DPP10: variants seen among roughly 807,000 people sequenced by gnomAD.
DPP10 encodes the protein dipeptidyl peptidase like 10.
A neutral mutation model predicts 120.9 loss-of-function variants in DPP10; 33 were observed. The ratio of observed to expected loss-of-function variants is 0.27; its 90% CI spans 0.21 to 0.37. DPP10 has a LOEUF of 0.37. DPP10 is among the 10% of genes least tolerant of loss of function. DPP10 has a pLI of 1.00. For synonymous variants in DPP10, 337 were observed against 326.1 expected, an observed-to-expected ratio of 1.03 and a Z score of -0.36; for missense variants, 816 against 942.8, an observed-to-expected ratio of 0.87 and a Z score of 1.76.
intron 1 of DPP10, among the ~76,000 whole-genome samples, chr2:114,576,974 C>T (rs1835329): frequency 0.29 from 43,681 of 151,460 alleles, 8,164 homozygotes; most frequent in African/African-American, 0.54. Context: ...TTAATGGGTA[C>T]GGCATGGTAA....
At chr2:115,437,845 G>A (rs843411) in intron 3 of DPP10, among the ~76,000 whole-genome samples, 4,701 of 152,012 alleles carry the variant, frequency 0.031, 242 homozygotes, top group African/African-American at 0.11. Context: ...ATGATACAAC[G>A]TTTTGTTGTG....
intron 3 of DPP10, among the ~76,000 whole-genome samples, chr2:115,422,541 A>C (rs1559581136): frequency 6.6e-6 from 1 of 152,236 alleles, no homozygotes; most frequent in Non-Finnish European, 1.5e-5. Context: ...TGAAAGTTCT[A>C]CCCATAGATT....
At chr2:115,659,841 T>C (rs1455522872) in intron 5 of DPP10, among the ~76,000 whole-genome samples, 2 of 152,190 alleles carry the variant, frequency 1.3e-5, no homozygotes, top group African/African-American at 4.8e-5. Context: ...GGTTTTGACT[T>C]TTTATTAATT....
intron 1 of DPP10, among the ~76,000 whole-genome samples, chr2:114,465,151 C>A (rs10496463): frequency 6.6e-6 from 1 of 152,148 alleles, no homozygotes; most frequent in Non-Finnish European, 1.5e-5. Context: ...GTTGTGTGAA[C>A]GTAGAAAAGT....
intron 1 of DPP10, among the ~76,000 whole-genome samples, chr2:114,786,790 TC>T (rs1682803766): frequency 6.6e-6 from 1 of 152,190 alleles, no homozygotes; most frequent in Non-Finnish European, 1.5e-5. Context: ...AGTGTGGTGT[TC>T]TGGTCAAAAA....
intron 1 of DPP10, among the ~76,000 whole-genome samples, chr2:114,497,178 T>C (rs1190172083): frequency 6.7e-6 from 1 of 150,134 alleles, no homozygotes; most frequent in Non-Finnish European, 1.5e-5. Context: ...TGTATACATG[T>C]GTACGTGTAT....
chr2:114,668,790 CCCT>C (rs1698121961), intron 1 of DPP10, among the ~76,000 whole-genome samples: 1 of 152,080 alleles, frequency 6.6e-6, no homozygotes, highest in Non-Finnish European at 1.5e-5. Flanking sequence ...GTGGAATGTT[CCCT>C]CCTCTATTCT....
chr2:115,715,268 G>A (rs1299429861), intron 7 of DPP10, among the ~76,000 whole-genome samples: 2 of 148,634 alleles, frequency 1.3e-5, no homozygotes, highest in Non-Finnish European at 3.0e-5. Context: ...GAACCCAGGA[G>A]GTGGCGGTTG....
At chr2:114,747,845 A>G (rs1016444452) in intron 1 of DPP10, among the ~76,000 whole-genome samples, 4 of 152,008 alleles carry the variant, frequency 2.6e-5, no homozygotes, top group African/African-American at 9.7e-5. Flanking sequence ...TTTTTTTCTC[A>G]TGTAAACACT....
intron 5 of DPP10, among the ~76,000 whole-genome samples, chr2:115,684,047 C>T (rs1477940582): frequency 4.6e-5 from 7 of 151,672 alleles, no homozygotes; most frequent in African/African-American, 1.5e-4. Context: ...CTATCCAAAC[C>T]TGAAGGATAG....
chr2:115,283,371 C>G (rs1371823328), intron 1 of DPP10, among the ~76,000 whole-genome samples: 1 of 151,976 alleles, frequency 6.6e-6, no homozygotes, highest in Non-Finnish European at 1.5e-5. Flanking sequence ...GAAATTCTAG[C>G]ACTTGGGAAA....
chr2:115,598,838 G>GT (rs2083145304), intron 5 of DPP10, among the ~76,000 whole-genome samples: 1 of 139,266 alleles, frequency 7.2e-6, no homozygotes. Flanking sequence ...TTAATAACAT[G>GT]TTTTTTGGAG....
In DPP10 at chr2:115,460,843, C is replaced by T. The variant is rs2073944739; in HGVS notation, c.272-38667C>T. ...AATGAATCTGATCACAACATATTGCCTGGAAATATGCTATATTGCTATGGC... is the reference window on the plus strand; with the variant it reads ...AATGAATCTGATCACAACATATTGCTTGGAAATATGCTATATTGCTATGGC... On this transcript the variant is annotated intron_variant, in intron 3 of 25. Transcript: ENST00000410059. Among the ~76,000 whole-genome samples, 4 of 152,144 alleles carry T rather than the reference C, an allele frequency of 2.6e-5. No individual in the cohort carries two copies. The South Asian group carries it at 8.3e-4, about 32-fold the overall frequency.
At chr2:114,668,246 T>G (rs796149422) in intron 1 of DPP10, among the ~76,000 whole-genome samples, 14 of 152,262 alleles carry the variant, frequency 9.2e-5, no homozygotes, top group African/African-American at 3.1e-4. Flanking sequence ...TGTGTATAAC[T>G]GGGGAGGCTG....
intron 1 of DPP10, among the ~76,000 whole-genome samples, chr2:114,590,421 A>G (rs1691365591): frequency 6.6e-6 from 1 of 152,190 alleles, no homozygotes; most frequent in African/African-American, 2.4e-5. Flanking sequence ...TTAATTGGGT[A>G]ATAATTTCTA....
intron 1 of DPP10, among the ~76,000 whole-genome samples, chr2:115,111,418 C>G (rs188056618): frequency 3.3e-5 from 5 of 152,094 alleles, no homozygotes; most frequent in Middle Eastern, 3.4e-3. Context: ...AACAGGGGAG[C>G]AAGATTGAGT....
chr2:114,721,053 G>A (rs562859818), intron 1 of DPP10, among the ~76,000 whole-genome samples: 13 of 152,296 alleles, frequency 8.5e-5, no homozygotes, highest in African/African-American at 2.4e-4. Flanking sequence ...CAGTTTATAC[G>A]TTACACAGCA....
intron 1 of DPP10, among the ~76,000 whole-genome samples, chr2:114,487,901 G>A (rs976272021): frequency 4.6e-5 from 7 of 152,122 alleles, no homozygotes; most frequent in South Asian, 4.1e-4. Context: ...AGATAAGCAC[G>A]TTAAAGGGAA....
intron 1 of DPP10, among the ~76,000 whole-genome samples, chr2:114,982,804 G>T (rs12711813): frequency 2.0e-5 from 3 of 150,514 alleles, no homozygotes; most frequent in Non-Finnish European, 4.4e-5. Context: ...ATGGAGTTTC[G>T]CCATGTTGCC....
Sources: allele counts gnomAD v4.1 joint callset (sites outside exome capture counted in the v4.1 genomes callset), GRCh38; gene constraint gnomAD v4.1.1; transcripts MANE v1.5; gene names NCBI Gene and HGNC (gene_info 2026-07-23, HGNC 2026-07-21).